Variants in C9orf85 observed in about 807,000 individuals in gnomAD.
The protein encoded by C9orf85 is chromosome 9 open reading frame 85.
In C9orf85, 16 loss-of-function variants were observed where a neutral mutation model predicts 14.9. That is an observed-to-expected ratio of 1.08 (90% CI 0.73 to 1.63). The LOEUF (loss-of-function observed/expected upper bound fraction) is 1.63. C9orf85 is among the 40% of genes most tolerant of loss of function. C9orf85 has a pLI of 0.00. For missense variants in C9orf85, 172 were observed against 186.1 expected (o/e 0.92, Z 0.44); for synonymous variants, 45 against 56.8 (o/e 0.79, Z 0.93).
At chr9:71,971,033 G>A (rs542031159) in intron 2 of C9orf85, among the ~76,000 whole-genome samples, 1 of 152,074 alleles carries the variant, frequency 6.6e-6, no homozygotes, top group East Asian at 1.9e-4. Flanking sequence ...GGGATTACAG[G>A]CCTGAGCACT....
chr9:71,938,753 G>T (rs1172397770), intron 1 of C9orf85, among the ~76,000 whole-genome samples: 1 of 151,354 alleles, frequency 6.6e-6, no homozygotes, highest in Admixed American at 6.6e-5. Flanking sequence ...AAATATAATG[G>T]GATGAGAATT....
chr9:71,918,479 G>A (rs1827711697), intron 1 of C9orf85: 2 of 1,301,530 alleles, frequency 1.5e-6, no homozygotes, highest in Admixed American at 2.3e-5. Flanking sequence ...TGTGGAGCAG[G>A]GGTCCCCAGC....
chr9:71,943,937 A>G (rs575383652), intron 1 of C9orf85, among the ~76,000 whole-genome samples: 46 of 151,574 alleles, frequency 3.0e-4, no homozygotes, highest in Admixed American at 1.1e-3. Context: ...CACTGACTCT[A>G]AAATATATGT....
chr9:71,976,391 G>C (rs867299888), downstream of C9orf85, among the ~76,000 whole-genome samples: 5 of 152,084 alleles, frequency 3.3e-5, no homozygotes, highest in Admixed American at 1.3e-4. Flanking sequence ...GGCCGGGCAC[G>C]GTGGCTCATG....
At chr9:71,927,683 T>A (rs115562942) in intron 1 of C9orf85, among the ~76,000 whole-genome samples, 53 of 152,238 alleles carry the variant, frequency 3.5e-4, no homozygotes, top group African/African-American at 1.3e-3. Flanking sequence ...TAGTAAGCAA[T>A]CTAGTAATAT....
At chr9:71,973,528 T>A (rs1822944624), downstream of C9orf85, 1 of 152,258 alleles carries the variant, frequency 6.6e-6, no homozygotes, top group Admixed American at 6.5e-5. Context: ...TTAACAAGCG[T>A]ATAGCAATTC....
At chr9:71,936,334 G>T (rs1026851768) in intron 1 of C9orf85, among the ~76,000 whole-genome samples, 10 of 152,158 alleles carry the variant, frequency 6.6e-5, no homozygotes, top group African/African-American at 2.4e-4. Flanking sequence ...AGAAAATAGT[G>T]TCAAAAGAAG....
intron 1 of C9orf85, among the ~76,000 whole-genome samples, chr9:71,921,864 C>A (rs933600951): frequency 6.6e-6 from 1 of 152,036 alleles, no homozygotes; most frequent in Non-Finnish European, 1.5e-5. Context: ...TGGAAAGATA[C>A]TGAGCTACTC....
At chr9:71,956,877 A>C (rs1822394220) in intron 2 of C9orf85, among the ~76,000 whole-genome samples, 1 of 152,226 alleles carries the variant, frequency 6.6e-6, no homozygotes, top group African/African-American at 2.4e-5. Context: ...AAATGAACAA[A>C]GTTAAGTGCC....
downstream of C9orf85, among the ~76,000 whole-genome samples, chr9:71,973,656 A>G (rs374707807): frequency 2.6e-4 from 40 of 152,236 alleles, 1 homozygote; most frequent in Middle Eastern, 6.8e-3. Context: ...TATAATAATT[A>G]TAAAGGAAAG....
At chr9:71,933,738 A>T (rs1296635416) in intron 1 of C9orf85, among the ~76,000 whole-genome samples, 3 of 152,164 alleles carry the variant, frequency 2.0e-5, no homozygotes, top group Admixed American at 6.5e-5. Context: ...CTCCCACTAG[A>T]TGGATCTGCT....
downstream of C9orf85, chr9:71,984,400 T>C (rs1235972136): frequency 3.9e-5 from 6 of 152,234 alleles, no homozygotes. Context: ...ATAAATCTGC[T>C]CCTTCTTAAA....
chr9:71,941,742 G>C (rs1007154144), intron 1 of C9orf85: 5 of 152,150 alleles, frequency 3.3e-5, no homozygotes, highest in Admixed American at 2.0e-4. Context: ...TGGAGAAGTT[G>C]AAATTTCAAT....
intron 1 of C9orf85, among the ~76,000 whole-genome samples, chr9:71,942,792 AC>A (rs1482879968): frequency 6.6e-6 from 1 of 151,924 alleles, no homozygotes; most frequent in Non-Finnish European, 1.5e-5. Context: ...AATCCTAGCT[AC>A]TCAGGAGCCT....
chr9:71,918,462 G>A (rs1434954589), intron 1 of C9orf85: 1 of 1,302,580 alleles, frequency 7.7e-7, no homozygotes, highest in African/African-American at 1.5e-5. Context: ...GTTTGAGTTT[G>A]TCTCCCTGTG....
At chr9:71,920,281 A>G (rs1393978554) in intron 1 of C9orf85, among the ~76,000 whole-genome samples, 1 of 152,204 alleles carries the variant, frequency 6.6e-6, no homozygotes, top group Non-Finnish European at 1.5e-5. Flanking sequence ...TTGCTCTACT[A>G]TGGGGAATAG....
chr9:71,918,392 CTAAT>C, intron 1 of C9orf85: 1 of 1,249,996 alleles, frequency 8.0e-7, no homozygotes, highest in Non-Finnish European at 1.1e-6. Flanking sequence ...CACAATAATT[CTAAT>C]TGTCTTTTCA....
At chr9:71,971,264 TA>T in intron 2 of C9orf85, among the ~76,000 whole-genome samples, 1 of 152,210 alleles carries the variant, frequency 6.6e-6, no homozygotes, top group East Asian at 1.9e-4. Flanking sequence ...AACACATTTT[TA>T]ATGACACTTT....
chr9:71,916,817 A>G (rs1331218432), intron 1 of C9orf85, among the ~76,000 whole-genome samples: 3 of 152,232 alleles, frequency 2.0e-5, no homozygotes, highest in African/African-American at 4.8e-5. Context: ...TAGGTGCTCA[A>G]AAAGTTTTAG....
Sources: gnomAD v4.1 joint callset for allele counts (sites outside exome capture counted in the v4.1 genomes callset) on GRCh38, gnomAD v4.1.1 for gene constraint, MANE v1.5 for transcripts, NCBI Gene and HGNC (gene_info 2026-07-23, HGNC 2026-07-21) for gene names.